The following ULK4 variants were observed in gnomAD, a reference collection of about 807,000 sequenced individuals.
The protein encoded by ULK4 is unc-51 like kinase 4, also known as inactive serine/threonine-protein kinase ULK4.
A neutral mutation model predicts 160.6 loss-of-function variants in ULK4; 133 were observed. That is an observed-to-expected ratio of 0.83 (90% CI 0.72 to 0.96). ULK4 has a LOEUF of 0.96. Among genes scored for constraint, ULK4 ranks in the 40% least tolerant of loss-of-function variants. ULK4 has a pLI of 0.00. For synonymous variants in ULK4, 534 were observed against 539.8 expected, an observed-to-expected ratio of 0.99 and a Z score of 0.15; for missense variants, 1,580 against 1,499.5, an observed-to-expected ratio of 1.05 and a Z score of -0.89.
intron 31 of ULK4, among the ~76,000 whole-genome samples, chr3:41,579,888 G>A (rs1159081972): frequency 6.6e-6 from 1 of 152,084 alleles, no homozygotes; most frequent in African/African-American, 2.4e-5. Flanking sequence ...CTGCCCTTGT[G>A]TTTTCCTGGC....
At chr3:41,247,813 T>C (rs2078673080) in intron 36 of ULK4, among the ~76,000 whole-genome samples, 1 of 152,212 alleles carries the variant, frequency 6.6e-6, no homozygotes, top group African/African-American at 2.4e-5. Flanking sequence ...CCAGTGAGGC[T>C]GGAAAGGACA....
Position 41,961,554 on chromosome 3 carries a change from C to CCCCT in ULK4, c.-49+461_-49+462insAGGG, listed in dbSNP as rs1553693527. ...AGGGGCGCTACGTAGTCACTCACCC[C>CCCCT]CCCCCCCCCCCCCCCCGCTCCCCAG... On this transcript the variant is annotated intron_variant, in intron 1 of 36. Transcript: ENST00000301831. Among the ~76,000 whole-genome samples the CCCCT allele has an allele frequency of 1.4e-3, 11 of 7,636 alleles. No homozygotes were observed. In the East Asian group the frequency reaches 0.041, roughly 28 times the overall value. The allele number at this position is 7,636 out of a possible 152,430, so 5.0% of individuals were successfully genotyped here. A position where few individuals can be genotyped will look rare whatever the true frequency, so the allele number is the denominator to read the frequency against.
chr3:41,491,569 T>C (rs1209632984), intron 32 of ULK4, among the ~76,000 whole-genome samples: 2 of 152,098 alleles, frequency 1.3e-5, no homozygotes, highest in East Asian at 3.8e-4. Flanking sequence ...GTTAACAGCA[T>C]CATTACTAAT....
chr3:41,568,364 A>G (rs1489584374), intron 31 of ULK4, among the ~76,000 whole-genome samples: 1 of 152,202 alleles, frequency 6.6e-6, no homozygotes, highest in Non-Finnish European at 1.5e-5. Flanking sequence ...CAAAGATTTA[A>G]AGAAGTAGAC....
At chr3:41,716,809 T>C (rs2037282428) in intron 23 of ULK4, among the ~76,000 whole-genome samples, 1 of 152,222 alleles carries the variant, frequency 6.6e-6, no homozygotes, top group Admixed American at 6.5e-5. Context: ...AGGTATTTCT[T>C]TAGCTGTAAT....
At chr3:41,488,943 C>T (rs2084645544) in intron 32 of ULK4, among the ~76,000 whole-genome samples, 2 of 152,038 alleles carry the variant, frequency 1.3e-5, no homozygotes, top group Admixed American at 6.6e-5. Context: ...CTGCAGGTCT[C>T]GGAGTAAGAG....
chr3:41,375,267 G>T (rs2081461078), intron 35 of ULK4, among the ~76,000 whole-genome samples: 1 of 152,102 alleles, frequency 6.6e-6, no homozygotes, highest in African/African-American at 2.4e-5. Context: ...TTTCTTCAGA[G>T]AATAGGAAAA....
chr3:41,806,773 A>G (rs552994817), intron 19 of ULK4, among the ~76,000 whole-genome samples: 1 of 152,292 alleles, frequency 6.6e-6, no homozygotes, highest in African/African-American at 2.4e-5. Flanking sequence ...TAAGAGAAAA[A>G]GCATTAAATC....
At chr3:41,918,359 T>C (rs1699045355) in intron 7 of ULK4, 98 bp downstream of exon 7, 4 of 705,524 alleles carry the variant, frequency 5.7e-6, no homozygotes, top group African/African-American at 1.8e-5. Flanking sequence ...AAGATAACTT[T>C]GGGGAGTTAT....
chr3:41,323,391 A>AAC (rs34357899), intron 35 of ULK4, among the ~76,000 whole-genome samples: 32,926 of 119,966 alleles, frequency 0.27, 4,404 homozygotes, highest in Admixed American at 0.31. Context: ...CCTGAACAAT[A>AAC]ACACACACAC....
chr3:41,689,415 A>T (rs2036207722), intron 27 of ULK4, among the ~76,000 whole-genome samples: 1 of 152,220 alleles, frequency 6.6e-6, no homozygotes, highest in Non-Finnish European at 1.5e-5. Flanking sequence ...TTAAAATTGA[A>T]GTATATCTGT....
chr3:41,713,276 A>G (rs1176914045), intron 25 of ULK4, among the ~76,000 whole-genome samples: 1 of 152,222 alleles, frequency 6.6e-6, no homozygotes, highest in Non-Finnish European at 1.5e-5. Flanking sequence ...CTTGAGTAAC[A>G]TTTTTGCTAT....
chr3:41,838,721 A>T (rs962959130), intron 17 of ULK4, among the ~76,000 whole-genome samples: 1 of 152,234 alleles, frequency 6.6e-6, no homozygotes, highest in Non-Finnish European at 1.5e-5. Context: ...ATCACTCAAC[A>T]AAAGAGCTGC....
intron 35 of ULK4, among the ~76,000 whole-genome samples, chr3:41,317,224 C>T (rs940159573): frequency 1.4e-4 from 21 of 151,500 alleles, no homozygotes; most frequent in Non-Finnish European, 2.7e-4. Flanking sequence ...TACAGGCGCC[C>T]GCCACGGCGC....
In ULK4 at chr3:41,707,623, G is replaced by A. The variant is rs184547719; in HGVS notation, c.2635-2318C>T. Among the ~76,000 whole-genome samples the A allele has an allele frequency of 2.4e-3, 358 of 152,222 alleles. 3 individuals are homozygous for A. Among genetic ancestry groups the A allele is most frequent in the South Asian group, 0.018 (89 of 4,818 alleles). ...AAATCAGGAGGATAATCTGAGGCCAGGAGTTTGAGACCAGCTTGGGCAACA... is the reference window on the plus strand; with the variant it reads ...AAATCAGGAGGATAATCTGAGGCCAAGAGTTTGAGACCAGCTTGGGCAACA... On this transcript the variant is annotated intron_variant, in intron 25 of 36. Coordinates refer to ENST00000301831, the MANE Select transcript of ULK4 (RefSeq NM_017886.4).
At chr3:41,925,351 G>T (rs905758962) in intron 5 of ULK4, among the ~76,000 whole-genome samples, 12 of 152,166 alleles carry the variant, frequency 7.9e-5, no homozygotes, top group African/African-American at 2.9e-4. Flanking sequence ...ACTGTGCCGT[G>T]AGGAACAGTG....
intron 35 of ULK4, among the ~76,000 whole-genome samples, chr3:41,317,115 CCGGACTG>C (rs1466956312): frequency 7.6e-6 from 1 of 130,968 alleles, no homozygotes; most frequent in African/African-American, 3.0e-5. Context: ...GTCGCCCAGG[CCGGACTG>C]CGGACTGCAG....
At chr3:41,781,436 T>G (rs1164390354) in intron 21 of ULK4, among the ~76,000 whole-genome samples, 1 of 146,984 alleles carries the variant, frequency 6.8e-6, no homozygotes, top group East Asian at 2.0e-4. Context: ...AAAAAAAAAG[T>G]GAACTCTGAC....
At chr3:41,862,666 T>C (rs1166333316) in intron 17 of ULK4, among the ~76,000 whole-genome samples, 1 of 152,188 alleles carries the variant, frequency 6.6e-6, no homozygotes, top group African/African-American at 2.4e-5. Context: ...ATTGCCTTGA[T>C]GGTCTTAGAT....
Sources: gnomAD v4.1 joint callset for allele counts (sites outside exome capture counted in the v4.1 genomes callset) on GRCh38, gnomAD v4.1.1 for gene constraint, MANE v1.5 for transcripts, NCBI Gene and HGNC (gene_info 2026-07-23, HGNC 2026-07-21) for gene names.